Variants in DNPH1 observed in about 807,000 individuals in gnomAD.
The protein encoded by DNPH1 is 5-hydroxymethyl-dUMP N-hydrolase.
Under a neutral mutation model 15.7 loss-of-function variants are expected in DNPH1, and 18 were observed. The observed-to-expected ratio is 1.15, with a 90% CI of 0.79 to 1.70. The LOEUF is 1.70. Among genes scored for constraint, DNPH1 ranks in the 40% most tolerant of loss-of-function variants. The pLI is 0.00. For synonymous variants in DNPH1, 114 were observed against 107.9 expected, an observed-to-expected ratio of 1.06 and a Z score of -0.35; for missense variants, 262 against 255.2, an observed-to-expected ratio of 1.03 and a Z score of -0.18.
chr6:43,228,853 A>T (rs1042736256), intron 1 of DNPH1, among the ~76,000 whole-genome samples: 1 of 152,216 alleles, frequency 6.6e-6, no homozygotes, highest in South Asian at 2.1e-4. Context: ...AAACAAAAAA[A>T]GTTGGTGGGG....
At chr6:43,227,340 G>A (rs1292311939) in intron 1 of DNPH1, among the ~76,000 whole-genome samples, 2 of 151,252 alleles carry the variant, frequency 1.3e-5, no homozygotes, top group African/African-American at 4.9e-5. Flanking sequence ...GCTTGAACCT[G>A]GGAGGAGGAG....
intron 1 of DNPH1, among the ~76,000 whole-genome samples, chr6:43,227,450 TCC>T (rs1004515413): frequency 4.6e-5 from 7 of 151,826 alleles, no homozygotes; most frequent in Non-Finnish European, 1.0e-4. Flanking sequence ...GAAGGCTTTA[TCC>T]CAGATGATCA....
intron 1 of DNPH1, among the ~76,000 whole-genome samples, chr6:43,227,471 A>C (rs936748717): frequency 6.6e-6 from 1 of 152,040 alleles, no homozygotes; most frequent in Non-Finnish European, 1.5e-5. Context: ...CAGAACCTGC[A>C]TTTTTAACAG....
rs371896577 is a variant in DNPH1, at chr6:43,226,175, T to G, written c.266-32A>C. On this transcript the variant is annotated intron_variant, in intron 2 of 3. Transcript: ENST00000230431. The surrounding 1 kb of genome is among the most constrained non-coding windows in gnomAD (Gnocchi z 4.1). ...GGAAAGATGAGAGGAAGCCTCAGCATTGGGGGCACTTGAGGTTCATAAGGA... is the reference window on the plus strand; with the variant it reads ...GGAAAGATGAGAGGAAGCCTCAGCAGTGGGGGCACTTGAGGTTCATAAGGA... The G allele has an allele frequency of 1.9e-6, 3 of 1,611,190 alleles. No homozygotes were observed. The highest frequency in any genetic ancestry group is 1.7e-6 in the Non-Finnish European group (2 of 1,179,476).
chr6:43,226,126 TC>T lies in DNPH1; in HGVS notation c.282del (p.Thr95HisfsTer7). On this transcript the variant is annotated frameshift_variant, in exon 3 of 4. Coordinates refer to ENST00000230431, the MANE Select transcript of DNPH1 (RefSeq NM_006443.3). LOFTEE classifies it high-confidence loss of function. This position sits in a 1 kb window ranked among gnomAD's most constrained non-coding sequence, Gnocchi z 4.1. Reference sequence around the variant, plus strand: ...TAGCCTACACCCAAGGATGGCTGTGTCACTTCTGCCACGACCACTGGGAGGA... The same window carrying T: ...TAGCCTACACCCAAGGATGGCTGTGTACTTCTGCCACGACCACTGGGAGGA... The part of the protein sequence containing the change: ...LQQADVVVAE[V>X]TQPSLGVGYE... 3 of 1,613,340 alleles carry T rather than the reference TC, an allele frequency of 1.9e-6. No individual in the cohort carries two copies. The highest frequency in any genetic ancestry group is 2.5e-6 in the Non-Finnish European group (3 of 1,179,976).
chr6:43,229,426 C>A lies in DNPH1; in HGVS notation c.31G>T (p.Glu11Ter). 7.1e-7 allele frequency: 1 copy of A among 1,401,326 alleles called. No individual in the cohort carries two copies. Among genetic ancestry groups the A allele is most frequent in the Admixed American group, 2.8e-5 (1 of 36,150 alleles). The allele number at this position is 1,401,326 out of a possible 1,614,324, so 86.8% of individuals were successfully genotyped here. A position where few individuals can be genotyped will look rare whatever the true frequency, so the allele number is the denominator to read the frequency against. The change falls in exon 1 of 4, where the codon GAG becomes TAG. Residue 11 changes from glutamate to a stop codon, truncating the protein, a stop_gained. Coordinates refer to ENST00000230431, the MANE Select transcript of DNPH1 (RefSeq NM_006443.3). LOFTEE classifies it high-confidence loss of function. ...CCAGGCTCCCCGCGCTCCCAGCTCT[C>A]GCTGCGCCCCGGCACCATGGCAGCA... MAAAMVPGRS[E>*]SWERGEPGRP...
At chr6:43,227,340 GGGA>G (rs1224611566) in intron 1 of DNPH1, among the ~76,000 whole-genome samples, 2 of 151,254 alleles carry the variant, frequency 1.3e-5, no homozygotes, top group Admixed American at 6.6e-5. Context: ...GCTTGAACCT[GGGA>G]GGAGGAGGTT....
rs747335793 is a variant in DNPH1, at chr6:43,226,331, C to A, written c.261G>T (p.Ala87=). 58 of 1,612,410 alleles carry A rather than the reference C, an allele frequency of 3.6e-5. 1 individual carries two copies. The South Asian group carries it at 5.9e-4, about 16-fold the overall frequency. The part of the protein sequence containing the change: ...HEQDLEWLQQ[A]DVVVAEVTQP... ...GAAGGAGGGAGCGCCACTCACCGTC[C>A]GCCTGCTGCAGCCACTCCAGGTCCT... The change falls in exon 2 of 4, where the codon GCG becomes GCT. Residue 87 remains alanine, a synonymous_variant. Transcript: ENST00000230431. This position sits in a 1 kb window ranked among gnomAD's most constrained non-coding sequence, Gnocchi z 4.1.
intron 1 of DNPH1, among the ~76,000 whole-genome samples, chr6:43,227,741 C>T (rs1423673842): frequency 6.6e-6 from 1 of 151,918 alleles, no homozygotes; most frequent in Non-Finnish European, 1.5e-5. Context: ...ATTCAAGATA[C>T]AATTTTCAAA....
chr6:43,229,403 A>G lies in DNPH1; in HGVS notation c.54T>C (p.Pro18=). 3 of 1,433,094 alleles carry G rather than the reference A, an allele frequency of 2.1e-6. No homozygotes were observed. The highest frequency in any genetic ancestry group is 2.2e-4 in the Middle Eastern group (1 of 4,554). The allele number at this position is 1,433,094 out of a possible 1,614,324, so 88.8% of individuals were successfully genotyped here. A position where few individuals can be genotyped will look rare whatever the true frequency, so the allele number is the denominator to read the frequency against. Residue 18 remains proline (P), a synonymous_variant, in exon 1 of 4, where the codon CCT becomes CCC. Coordinates refer to ENST00000230431, the MANE Select transcript of DNPH1 (RefSeq NM_006443.3). ...CGCAGAAGTACAGGGCCGGGCGGCC[A>G]GGCTCCCCGCGCTCCCAGCTCTCGC... The part of the protein sequence containing the change: ...GRSESWERGE[P]GRPALYFCGS...
Position 43,226,869 on chromosome 6 carries a change from G to A in DNPH1, c.197-474C>T, listed in dbSNP as rs1302811373. ...TGCCTGTAATCCCAGCACTTTGGGA[G>A]GCTGGGGCGGGTGGATCACTTGAGG... On this transcript the variant is annotated intron_variant, in intron 1 of 3. Transcript: ENST00000230431. The surrounding 1 kb of genome is among the most constrained non-coding windows in gnomAD (Gnocchi z 4.1). Among the ~76,000 whole-genome samples the A allele has an allele frequency of 6.6e-6, 1 of 152,148 alleles. No individual in the cohort carries two copies. The highest frequency in any genetic ancestry group is 1.9e-4 in the East Asian group (1 of 5,186).
chr6:43,229,437 G>A lies in DNPH1; in HGVS notation c.20C>T (p.Pro7Leu), dbSNP rs752785239. The A allele has an allele frequency of 4.4e-6, 6 of 1,362,824 alleles. No homozygotes were observed. The highest frequency in any genetic ancestry group is 4.7e-6 in the Non-Finnish European group (5 of 1,055,452). 84.4% of individuals were successfully genotyped at this position (1,362,824 alleles called of 1,614,324 possible). A position where few individuals can be genotyped will look rare whatever the true frequency, so the allele number is the denominator to read the frequency against. Reference protein sequence around the residue: MAAAMVPGRSESWERGE... With the variant: MAAAMVLGRSESWERGE... ...GCGCTCCCAGCTCTCGCTGCGCCCC[G>A]GCACCATGGCAGCAGCCATTCCCCA... is the stretch of plus-strand genomic sequence containing the variant. Residue 7 changes from proline (P) to leucine (L), a missense_variant, in exon 1 of 4, where the codon CCG (proline) becomes CTG (leucine). Physicochemically the swap from Pro to Leu is moderately conservative, Grantham distance 98. Coordinates refer to ENST00000230431, the MANE Select transcript of DNPH1 (RefSeq NM_006443.3).
chr6:43,226,494 G>T lies in DNPH1; in HGVS notation c.197-99C>A. ...ATACCCACCCTGCTCAGGGAGGGTG[G>T]GAGCCTTGTGCCAGATGACCTGACC... On this transcript the variant is annotated intron_variant, in intron 1 of 3. Transcript: ENST00000230431. This position sits in a 1 kb window ranked among gnomAD's most constrained non-coding sequence, Gnocchi z 4.1. The T allele has an allele frequency of 9.3e-7, 1 of 1,079,252 alleles. No individual in the cohort carries two copies. Among genetic ancestry groups the T allele is most frequent in the Non-Finnish European group, 1.3e-6 (1 of 766,098 alleles). 66.9% of individuals were successfully genotyped at this position (1,079,252 alleles called of 1,614,324 possible). A position where few individuals can be genotyped will look rare whatever the true frequency, so the allele number is the denominator to read the frequency against.
In DNPH1 at chr6:43,226,895, TC is replaced by T. The variant is rs1203727976; in HGVS notation, c.197-501del. The stretch of plus-strand genomic sequence containing the variant: ...GCTGGGGCGGGTGGATCACTTGAGG[TC>T]AGGAGTTCAAAACCAGCCTGGCCAA... On this transcript the variant is annotated intron_variant, in intron 1 of 3. Transcript: ENST00000230431. The surrounding 1 kb of genome is among the most constrained non-coding windows in gnomAD (Gnocchi z 4.1). 2.8e-5 allele frequency among the ~76,000 whole-genome samples: 4 copies of T among 145,210 alleles called. No individual in the cohort carries two copies. The highest frequency in any genetic ancestry group is 4.5e-5 in the Non-Finnish European group (3 of 66,400).
chr6:43,227,949 G>A (rs1776767570), intron 1 of DNPH1, among the ~76,000 whole-genome samples: 1 of 152,080 alleles, frequency 6.6e-6, no homozygotes, highest in Non-Finnish European at 1.5e-5. Context: ...ACTTAACCAG[G>A]TATGGCGGCA....
intron 1 of DNPH1, among the ~76,000 whole-genome samples, chr6:43,227,047 C>G (rs1203793505): frequency 6.6e-6 from 1 of 151,806 alleles, no homozygotes; most frequent in Non-Finnish European, 1.5e-5. Context: ...GCGGAAGTTG[C>G]AGTGAGCTGA....
At chr6:43,229,085 C>A (rs980961944) in intron 1 of DNPH1, 176 bp downstream of exon 1, 2 of 629,620 alleles carry the variant, frequency 3.2e-6, no homozygotes, top group African/African-American at 2.0e-5. Context: ...GCAGCCCGAG[C>A]CCCGGCCCGT....
At chr6:43,229,171 CG>C in intron 1 of DNPH1, 89 bp downstream of exon 1, 3 of 1,233,876 alleles carry the variant, frequency 2.4e-6, no homozygotes, top group South Asian at 3.6e-5. Flanking sequence ...GCGCAGCTGC[CG>C]GGGGTCGGGG....
At position 43,229,421 on chromosome 6, in the gene DNPH1, G is replaced by T; in HGVS notation, c.36C>A (p.Ser12Arg). ...GGCGGCCAGGCTCCCCGCGCTCCCAGCTCTCGCTGCGCCCCGGCACCATGG... is the reference window on the plus strand; with the variant it reads ...GGCGGCCAGGCTCCCCGCGCTCCCATCTCTCGCTGCGCCCCGGCACCATGG... Reference protein sequence around the residue: ...AAAMVPGRSESWERGEPGRPA... With the variant: ...AAAMVPGRSERWERGEPGRPA... The change falls in exon 1 of 4, where the codon AGC (serine) becomes AGA (arginine). Residue 12 changes from serine to arginine, a missense_variant. Ser to Arg is a moderately radical substitution (Grantham distance 110). Coordinates refer to ENST00000230431, the MANE Select transcript of DNPH1 (RefSeq NM_006443.3). 1 of 1,409,682 alleles carries T rather than the reference G, an allele frequency of 7.1e-7. No homozygotes were observed. The allele number at this position is 1,409,682 out of a possible 1,614,324, so 87.3% of individuals were successfully genotyped here.
Sources: allele counts gnomAD v4.1 joint callset (sites outside exome capture counted in the v4.1 genomes callset), GRCh38; gene constraint gnomAD v4.1.1; non-coding constraint Gnocchi (gnomAD v3.1); transcripts MANE v1.5; gene names NCBI Gene and HGNC (gene_info 2026-07-23, HGNC 2026-07-21).